Variants in KCNMB2 observed in about 807,000 individuals in gnomAD.
KCNMB2 encodes the protein potassium calcium-activated channel subfamily M regulatory beta subunit 2.
KCNMB2 carries 9 observed loss-of-function variants against 24.5 expected under a neutral mutation model. The ratio of observed to expected loss-of-function variants is 0.37; its 90% CI spans 0.22 to 0.64. The LOEUF is 0.64. KCNMB2 is among the 30% of genes least tolerant of loss of function. The pLI is 0.63. For synonymous variants in KCNMB2, 109 were observed against 104.4 expected (o/e 1.04, Z -0.27); for missense variants, 226 against 284.3 (o/e 0.79, Z 1.47).
chr3:178,568,789 AG>A (rs1273242103), intron 1 of KCNMB2, among the ~76,000 whole-genome samples: 1 of 85,542 alleles, frequency 1.2e-5, no homozygotes, highest in African/African-American at 6.6e-5. Context: ...ATAGATAGAT[AG>A]ATAGATAGAT....
chr3:178,730,789 C>T (rs1723124719), intron 1 of KCNMB2, among the ~76,000 whole-genome samples: 1 of 152,040 alleles, frequency 6.6e-6, no homozygotes, highest in Non-Finnish European at 1.5e-5. Context: ...CTTCCCCCTG[C>T]CTGGAATGCT....
intron 1 of KCNMB2, among the ~76,000 whole-genome samples, chr3:178,768,801 A>G (rs1712228728): frequency 6.6e-6 from 1 of 152,198 alleles, no homozygotes. Flanking sequence ...TAAACAATAA[A>G]AGTAATAAAA....
intron 1 of KCNMB2, among the ~76,000 whole-genome samples, chr3:178,656,180 GTA>G (rs1192615750): frequency 9.2e-5 from 14 of 152,122 alleles, no homozygotes. Flanking sequence ...AAATGAAAAT[GTA>G]TATTTAATTT....
chr3:178,766,883 G>A (rs1488767568), intron 1 of KCNMB2, among the ~76,000 whole-genome samples: 3 of 152,174 alleles, frequency 2.0e-5, no homozygotes, highest in Non-Finnish European at 4.4e-5. Flanking sequence ...ATGCTTACAT[G>A]TGTATACCAG....
intron 1 of KCNMB2, among the ~76,000 whole-genome samples, chr3:178,665,539 C>T (rs1434502548): frequency 6.6e-6 from 1 of 152,094 alleles, no homozygotes; most frequent in African/African-American, 2.4e-5. Flanking sequence ...CTTAATTTAT[C>T]TTTACAAGCT....
chr3:178,811,564 A>G (rs1714194303), intron 2 of KCNMB2, among the ~76,000 whole-genome samples: 1 of 152,172 alleles, frequency 6.6e-6, no homozygotes, highest in South Asian at 2.1e-4. Flanking sequence ...TTTATCTGCT[A>G]TGTAGTCTCC....
chr3:178,837,266 T>A (rs1715267068), intron 4 of KCNMB2, among the ~76,000 whole-genome samples: 1 of 152,192 alleles, frequency 6.6e-6, no homozygotes, highest in Non-Finnish European at 1.5e-5. Context: ...TAGAAAAACA[T>A]GTTAATGAAA....
At chr3:178,577,884 G>T (rs897883585) in intron 1 of KCNMB2, among the ~76,000 whole-genome samples, 1 of 152,222 alleles carries the variant, frequency 6.6e-6, no homozygotes, top group African/African-American at 2.4e-5. Context: ...TATGTGAAAA[G>T]ACCAATCCTA....
At chr3:178,632,722 T>A (rs1719365488) in intron 1 of KCNMB2, among the ~76,000 whole-genome samples, 2 of 152,078 alleles carry the variant, frequency 1.3e-5, no homozygotes. Flanking sequence ...TGTCCTCACA[T>A]TTCAAAACAC....
At chr3:178,787,876 A>G (rs1171333612) in intron 1 of KCNMB2, among the ~76,000 whole-genome samples, 4 of 152,182 alleles carry the variant, frequency 2.6e-5, no homozygotes, top group African/African-American at 9.6e-5. Context: ...TTGAAATTTT[A>G]TCTTCACCAA....
intron 1 of KCNMB2, among the ~76,000 whole-genome samples, chr3:178,765,515 C>G (rs1712078152): frequency 6.6e-6 from 1 of 152,202 alleles, no homozygotes; most frequent in Non-Finnish European, 1.5e-5. Flanking sequence ...CATGATTTGG[C>G]TTGTCACCTA....
At chr3:178,605,171 A>G (rs1309384513) in intron 1 of KCNMB2, among the ~76,000 whole-genome samples, 1 of 152,140 alleles carries the variant, frequency 6.6e-6, no homozygotes, top group Non-Finnish European at 1.5e-5. Context: ...TTAGGTTGTG[A>G]GGACCAAGAC....
At chr3:178,731,679 G>C (rs555732984) in intron 1 of KCNMB2, among the ~76,000 whole-genome samples, 24 of 152,188 alleles carry the variant, frequency 1.6e-4, no homozygotes, top group Non-Finnish European at 3.4e-4. Flanking sequence ...CGAGGTGGGT[G>C]GATCTCCTGA....
intron 1 of KCNMB2, among the ~76,000 whole-genome samples, chr3:178,700,900 G>C (rs1168606287): frequency 1.3e-5 from 2 of 152,180 alleles, no homozygotes; most frequent in African/African-American, 4.8e-5. Context: ...CTCCCATTCT[G>C]TAGGTTGCCT....
At chr3:178,574,168 G>A (rs536039931) in intron 1 of KCNMB2, among the ~76,000 whole-genome samples, 6 of 152,158 alleles carry the variant, frequency 3.9e-5, no homozygotes, top group Admixed American at 2.6e-4. Context: ...CTAAGAACAC[G>A]GAAACCAAGG....
intron 1 of KCNMB2, among the ~76,000 whole-genome samples, chr3:178,548,714 A>G (rs1300524065): frequency 6.6e-6 from 1 of 152,142 alleles, no homozygotes; most frequent in Non-Finnish European, 1.5e-5. Context: ...TTTCACTCCA[A>G]GCTAGAAGGA....
At chr3:178,629,336 C>T (rs917769167) in intron 1 of KCNMB2, among the ~76,000 whole-genome samples, 13 of 152,100 alleles carry the variant, frequency 8.5e-5, no homozygotes, top group African/African-American at 2.9e-4. Context: ...TAAATGCAAT[C>T]CTGTAGGAAA....
At chr3:178,630,734 C>G (rs1356731499) in intron 1 of KCNMB2, among the ~76,000 whole-genome samples, 1 of 152,160 alleles carries the variant, frequency 6.6e-6, no homozygotes, top group African/African-American at 2.4e-5. Context: ...TTCCAAGATA[C>G]ATAGATGCTA....
intron 1 of KCNMB2, among the ~76,000 whole-genome samples, chr3:178,723,611 T>C (rs1036842796): frequency 6.6e-6 from 1 of 152,180 alleles, no homozygotes; most frequent in Non-Finnish European, 1.5e-5. Flanking sequence ...TAGTACCTGA[T>C]AGGTAGTTTT....
Sources: gnomAD v4.1 joint callset for allele counts (sites outside exome capture counted in the v4.1 genomes callset) on GRCh38, gnomAD v4.1.1 for gene constraint, MANE v1.5 for transcripts, NCBI Gene and HGNC (gene_info 2026-07-23, HGNC 2026-07-21) for gene names.